The following UCN3 variants were observed in gnomAD, a reference collection of about 807,000 sequenced individuals.
UCN3 encodes the protein urocortin-3.
Under a neutral mutation model 3.6 loss-of-function variants are expected in UCN3, and 3 were observed. That is an observed-to-expected ratio of 0.83 (90% CI 0.38 to 2.15). The LOEUF (loss-of-function observed/expected upper bound fraction) is 2.15, where lower values mean the gene tolerates loss of function less well. UCN3 is among the 30% of genes most tolerant of loss of function. The probability of loss-of-function intolerance (pLI) is 0.06; values close to 1 mark genes in which losing one functional copy is unlikely to be tolerated. For missense variants in UCN3, 206 were observed against 208.3 expected, an observed-to-expected ratio of 0.99 and a Z score of 0.07; for synonymous variants, 100 against 93.2, an observed-to-expected ratio of 1.07 and a Z score of -0.42.
rs1834116108 is a variant in UCN3, at chr10:5,366,166, C to T, written c.-7+936C>T. Among the ~76,000 whole-genome samples, 1 of 152,202 alleles carries T rather than the reference C, an allele frequency of 6.6e-6. No individual in the cohort carries two copies. The highest frequency in any genetic ancestry group is 1.5e-5 in the Non-Finnish European group (1 of 68,032). ...CCTTTGCTGCTTCATGTCCTGTCCT[C>T]TCCCTGTGAGGTGCTGGGAATTGGA... On this transcript the variant is annotated intron_variant, in intron 1 of 1. Coordinates refer to ENST00000380433, the MANE Select transcript of UCN3 (RefSeq NM_053049.4). This position sits in a 1 kb window ranked among gnomAD's most constrained non-coding sequence, Gnocchi z 4.2.
intron 1 of UCN3, among the ~76,000 whole-genome samples, chr10:5,369,889 G>GTA (rs1564442027): frequency 1.6e-5 from 2 of 123,622 alleles, no homozygotes; most frequent in Admixed American, 8.3e-5. Flanking sequence ...GTGTGTATAT[G>GTA]TGTGTGTGTA....
At position 5,373,750 on chromosome 10, in the gene UCN3, C is replaced by T. The variant is rs782511285; in HGVS notation, c.30C>T (p.Leu10=). The change falls in exon 2 of 2, where the codon CTC becomes CTT. Residue 10 remains leucine (L), a synonymous_variant. Coordinates refer to ENST00000380433, the MANE Select transcript of UCN3 (RefSeq NM_053049.4). ...TGATGCCGGTCCACTTCCTGCTGCT[C>T]CTGCTGCTGCTCCTGGGGGGCCCCA... MLMPVHFLL[L]LLLLLGGPRT... 5 of 1,613,854 alleles carry T rather than the reference C, an allele frequency of 3.1e-6. No homozygotes were observed. In the South Asian group the frequency reaches 4.4e-5, roughly 14 times the overall value.
intron 1 of UCN3, among the ~76,000 whole-genome samples, chr10:5,372,778 C>G (rs1377106708): frequency 6.9e-6 from 1 of 145,662 alleles, no homozygotes; most frequent in African/African-American, 2.5e-5. Flanking sequence ...TGCTCTTGAA[C>G]TCCTGGGTTC....
At chr10:5,370,252 T>C (rs1335985044) in intron 1 of UCN3, among the ~76,000 whole-genome samples, 2 of 97,284 alleles carry the variant, frequency 2.1e-5, no homozygotes, top group Non-Finnish European at 4.2e-5. Flanking sequence ...TGTGTATGCG[T>C]GTGTATATGC....
rs1405043249 is a variant in UCN3 at position 5,365,005 on chromosome 10, T to C, written c.-232T>C. ...CCCAGCGTAGACACCACGTCTGGAA[T>C]TACGATCCACCCTGTGATCTGTCAC... On this transcript the variant is annotated 5_prime_UTR_variant, in exon 1 of 2. Transcript: ENST00000380433. The surrounding 1 kb of genome is among the most constrained non-coding windows in gnomAD (Gnocchi z 4.4). 2 of 152,150 alleles carry C rather than the reference T, an allele frequency of 1.3e-5. No individual in the cohort carries two copies. Among genetic ancestry groups the C allele is most frequent in the Non-Finnish European group, 2.9e-5 (2 of 68,042 alleles). 9.4% of individuals were successfully genotyped at this position (152,150 alleles called of 1,614,324 possible).
intron 1 of UCN3, among the ~76,000 whole-genome samples, chr10:5,373,212 C>T (rs1831453974): frequency 6.6e-6 from 1 of 152,180 alleles, no homozygotes; most frequent in African/African-American, 2.4e-5. Context: ...AAAGATCTGA[C>T]TTAGAAACAT....
rs10400011 is a variant in UCN3 at position 5,365,604 on chromosome 10, T to A, written c.-7+374T>A. Among the ~76,000 whole-genome samples the A allele has an allele frequency of 0.31, 47,288 of 152,056 alleles. 7,626 individuals carry two copies. The highest frequency in any genetic ancestry group is 0.46 in the South Asian group (2,233 of 4,808). On this transcript the variant is annotated intron_variant, in intron 1 of 1. Coordinates refer to ENST00000380433, the MANE Select transcript of UCN3 (RefSeq NM_053049.4). The surrounding 1 kb of genome is among the most constrained non-coding windows in gnomAD (Gnocchi z 4.4). ...GGGGATGGGGTAGGGATGCCGGGGC[T>A]AATGGGAGCCACAGGACATGACTCC...
intron 1 of UCN3, among the ~76,000 whole-genome samples, chr10:5,368,889 G>A (rs557587244): frequency 6.6e-6 from 1 of 152,292 alleles, no homozygotes; most frequent in Non-Finnish European, 1.5e-5. Context: ...ACAGCTCTAA[G>A]GAGTCCAGAG....
In UCN3 at chr10:5,365,162, C is replaced by G. The variant is rs987423903; in HGVS notation, c.-75C>G. On this transcript the variant is annotated 5_prime_UTR_variant, in exon 1 of 2. Coordinates refer to ENST00000380433, the MANE Select transcript of UCN3 (RefSeq NM_053049.4). The surrounding 1 kb of genome is among the most constrained non-coding windows in gnomAD (Gnocchi z 4.4). Reference sequence around the variant, plus strand: ...AAGTTCATGGGGACGTGCACGGGGCCGCCCTCCTGGCCCTGAAGCTGCGCC... The same window carrying G: ...AAGTTCATGGGGACGTGCACGGGGCGGCCCTCCTGGCCCTGAAGCTGCGCC... The G allele has an allele frequency of 6.6e-6, 1 of 152,370 alleles. No homozygotes were observed. Among genetic ancestry groups the G allele is most frequent in the Non-Finnish European group, 1.5e-5 (1 of 68,150 alleles). 9.4% of individuals were successfully genotyped at this position (152,370 alleles called of 1,614,324 possible). A position where few individuals can be genotyped will look rare whatever the true frequency, so the allele number is the denominator to read the frequency against.
intron 1 of UCN3, among the ~76,000 whole-genome samples, chr10:5,370,626 C>CGTGTGTATGT (rs1459898856): frequency 4.4e-5 from 1 of 22,760 alleles, no homozygotes; most frequent in Non-Finnish European, 8.2e-5. Context: ...CGTGTATATG[C>CGTGTGTATGT]GTGTGTATGT....
In UCN3 at chr10:5,370,850, C is replaced by CGCGTGTGTGT. The variant is rs1251401981; in HGVS notation, c.-6-2856_-6-2847dup. 5.3e-4 allele frequency among the ~76,000 whole-genome samples: 34 copies of CGCGTGTGTGT among 63,700 alleles called. 3 individuals are homozygous for CGCGTGTGTGT. Among genetic ancestry groups the CGCGTGTGTGT allele is most frequent in the East Asian group, 1.3e-3 (1 of 760 alleles). The allele number at this position is 63,700 out of a possible 152,430, so 41.8% of individuals were successfully genotyped here. A position where few individuals can be genotyped will look rare whatever the true frequency, so the allele number is the denominator to read the frequency against. On this transcript the variant is annotated intron_variant, in intron 1 of 1. Transcript: ENST00000380433. The stretch of plus-strand genomic sequence containing the variant: ...GCGCGTGTGTGTGCGCGTGTGTGTG[C>CGCGTGTGTGT]GCGTGTGTGTGCGTGTGTATGTGTG...
intron 1 of UCN3, among the ~76,000 whole-genome samples, chr10:5,371,273 G>A (rs1344705747): frequency 6.6e-6 from 1 of 151,220 alleles, no homozygotes; most frequent in Non-Finnish European, 1.5e-5. Context: ...GTGCGTGTAT[G>A]TGCATGTATA....
At chr10:5,370,882 TGCGTGTGTATATGCGTGTGTATATGC>T in intron 1 of UCN3, among the ~76,000 whole-genome samples, 1 of 88,904 alleles carries the variant, frequency 1.1e-5, no homozygotes, top group Non-Finnish European at 2.7e-5. Flanking sequence ...TGTGTGTATA[TGCGTGTGTATATGCGTGTGTATATGC>T]GTGTGTATAT....
chr10:5,369,916 T>TGC (rs1831321145), intron 1 of UCN3, among the ~76,000 whole-genome samples: 1 of 123,426 alleles, frequency 8.1e-6, no homozygotes, highest in African/African-American at 3.4e-5. Context: ...TGTGTGTATA[T>TGC]GTGTGTGTAT....
rs1831418905 is a variant in UCN3, at chr10:5,371,073, T to G, written c.-6-2642T>G. The stretch of plus-strand genomic sequence containing the variant: ...TGTGTGTATGTATGTACGTGTGAGG[T>G]GTGTATGTGTGTGCATGTGTATGGT... On this transcript the variant is annotated intron_variant, in intron 1 of 1. Transcript: ENST00000380433. Among the ~76,000 whole-genome samples the G allele has an allele frequency of 4.6e-5, 7 of 151,132 alleles. No homozygotes were observed. In the South Asian group the frequency reaches 1.5e-3, roughly 31 times the overall value.
intron 1 of UCN3, among the ~76,000 whole-genome samples, chr10:5,371,573 G>A (rs1831428928): frequency 6.6e-6 from 1 of 152,094 alleles, no homozygotes; most frequent in African/African-American, 2.4e-5. Context: ...AGGCTGTCTG[G>A]TTGGGCTTGG....
chr10:5,371,266 C>T (rs548576777), intron 1 of UCN3, among the ~76,000 whole-genome samples: 1 of 148,814 alleles, frequency 6.7e-6, no homozygotes, highest in Non-Finnish European at 1.5e-5. Context: ...GGTGTGTGTG[C>T]GTGTATGTGC....
rs72780516 is a variant in UCN3, at chr10:5,366,221, C to T, written c.-7+991C>T. ...GACCCAGGTCCCTCACGTTTCAGTG[C>T]TTGGCTCTGCCACAGCTCCCAGAAG... On this transcript the variant is annotated intron_variant, in intron 1 of 1. Transcript: ENST00000380433. This position sits in a 1 kb window ranked among gnomAD's most constrained non-coding sequence, Gnocchi z 4.2. Among the ~76,000 whole-genome samples the T allele has an allele frequency of 0.02, 2,992 of 152,304 alleles. 36 individuals are homozygous for T. The highest frequency in any genetic ancestry group is 0.03 in the Non-Finnish European group (2,066 of 68,028).
chr10:5,370,411 G>GTGTGTGTATA lies in UCN3; in HGVS notation c.-6-3297_-6-3296insATATGTGTGT, dbSNP rs1564442926. Among the ~76,000 whole-genome samples the GTGTGTGTATA allele has an allele frequency of 9.1e-3, 387 of 42,760 alleles. 58 individuals are homozygous for GTGTGTGTATA. The highest frequency in any genetic ancestry group is 0.043 in the Admixed American group (131 of 3,078). 28.1% of individuals were successfully genotyped at this position (42,760 alleles called of 152,430 possible). On this transcript the variant is annotated intron_variant, in intron 1 of 1. Transcript: ENST00000380433. The stretch of plus-strand genomic sequence containing the variant: ...TGCGTGTGTATATGTGTGTGTATAT[G>GTGTGTGTATA]TGTGTGTGTATATGCGTGTGTATAT...
Sources: gnomAD v4.1 joint callset for allele counts (sites outside exome capture counted in the v4.1 genomes callset) on GRCh38, gnomAD v4.1.1 for gene constraint, Gnocchi (gnomAD v3.1) non-coding constraint, MANE v1.5 for transcripts, NCBI Gene and HGNC (gene_info 2026-07-23, HGNC 2026-07-21) for gene names.